ABL2: variants seen among roughly 807,000 people sequenced by gnomAD.
The protein encoded by ABL2 is ABL proto-oncogene 2, non-receptor tyrosine kinase.
In ABL2, 49 loss-of-function variants were observed where a neutral mutation model predicts 107.7. The observed-to-expected ratio is 0.45, with a 90% CI of 0.36 to 0.58. The LOEUF (loss-of-function observed/expected upper bound fraction) is 0.58. Among genes scored for constraint, ABL2 ranks in the 20% least tolerant of loss-of-function variants. The pLI is 0.00. For synonymous variants in ABL2, 549 were observed against 548.6 expected (o/e 1.00, Z -0.01); for missense variants, 1,245 against 1,457.0 (o/e 0.85, Z 2.37).
intron 1 of ABL2, among the ~76,000 whole-genome samples, chr1:179,223,664 G>A (rs1663007326): frequency 6.6e-6 from 1 of 151,758 alleles, no homozygotes; most frequent in Admixed American, 6.6e-5. Context: ...AGTTTAGTCT[G>A]CAGGATTGGC....
rs527455117 is a variant in ABL2, at chr1:179,110,746, T to G, written c.1652-291A>C. On this transcript the variant is annotated intron_variant, in intron 10 of 11. Coordinates refer to ENST00000502732, the MANE Select transcript of ABL2 (RefSeq NM_007314.4). ...CCTCTTGATGGATGTTTAGGTTGTTTCCAGTTTGGAGTTACTATGAATACG... is the reference window on the plus strand; with the variant it reads ...CCTCTTGATGGATGTTTAGGTTGTTGCCAGTTTGGAGTTACTATGAATACG... 19 of 1,613,728 alleles carry G rather than the reference T, an allele frequency of 1.2e-5. No homozygotes were observed. The African/African-American group carries it at 2.4e-4, about 20-fold the overall frequency.
chr1:179,146,119 A>AT (rs1326999374), intron 1 of ABL2, among the ~76,000 whole-genome samples: 1 of 152,104 alleles, frequency 6.6e-6, no homozygotes, highest in African/African-American at 2.4e-5. Context: ...GCTGATTTCC[A>AT]TTTTTTAAAA....
intron 1 of ABL2, among the ~76,000 whole-genome samples, chr1:179,176,659 T>C (rs948609850): frequency 9.3e-5 from 14 of 150,948 alleles, no homozygotes; most frequent in Non-Finnish European, 1.3e-4. Context: ...ATATGGCTTT[T>C]ATTAGCAGCA....
intron 1 of ABL2, chr1:179,220,899 G>A: frequency 5.9e-6 from 1 of 169,390 alleles, no homozygotes. Flanking sequence ...GGGGTCTCCT[G>A]CTGCTGCCAC....
Position 179,101,194 on chromosome 1 carries a change from A to AAG in ABL2, c.*6523_*6524insCT, listed in dbSNP as rs143003487. 303 of 227,376 alleles carry AAG rather than the reference A, an allele frequency of 1.3e-3. No homozygotes were observed. Among genetic ancestry groups the AAG allele is most frequent in the African/African-American group, 6.5e-3 (292 of 45,048 alleles). The allele number at this position is 227,376 out of a possible 1,614,324, so 14.1% of individuals were successfully genotyped here. A position where few individuals can be genotyped will look rare whatever the true frequency, so the allele number is the denominator to read the frequency against. On this transcript the variant is annotated 3_prime_UTR_variant, in exon 12 of 12. Transcript: ENST00000502732. The stretch of plus-strand genomic sequence containing the variant: ...CATGAAACCCATCTTTGAAGGCACA[A>AAG]ATCTCCAAGGGTGGCCTCTCAGCAG...
intron 1 of ABL2, among the ~76,000 whole-genome samples, chr1:179,186,226 C>CA (rs1660677189): frequency 6.6e-6 from 1 of 151,890 alleles, no homozygotes; most frequent in African/African-American, 2.4e-5. Flanking sequence ...GCCTGGGTGA[C>CA]AGAGGGAGAC....
At chr1:179,121,449 C>G in intron 5 of ABL2, 146 bp downstream of exon 5, 7 of 1,078,510 alleles carry the variant, frequency 6.5e-6, no homozygotes, top group Non-Finnish European at 9.4e-6. Flanking sequence ...AGCAATGGCA[C>G]TAGGGTTAAT....
intron 7 of ABL2, 62 bp from the exon 8 acceptor site, chr1:179,117,578 C>G (rs982813904): frequency 3.2e-6 from 5 of 1,563,294 alleles, no homozygotes; most frequent in Non-Finnish European, 4.4e-6. Flanking sequence ...GTCATGAACA[C>G]TCTATTCTTG....
intron 1 of ABL2, among the ~76,000 whole-genome samples, chr1:179,157,556 T>A (rs768765780): frequency 6.6e-6 from 1 of 151,718 alleles, no homozygotes; most frequent in African/African-American, 2.4e-5. Context: ...CTGAAAAACA[T>A]CCAAAATTCG....
Position 179,229,411 on chromosome 1 carries a change from T to A in ABL2, c.-14A>T. 6.7e-7 allele frequency: 1 copy of A among 1,495,884 alleles called. No homozygotes were observed. The highest frequency in any genetic ancestry group is 8.8e-7 in the Non-Finnish European group (1 of 1,133,108). The allele number at this position is 1,495,884 out of a possible 1,614,324, so 92.7% of individuals were successfully genotyped here. A position where few individuals can be genotyped will look rare whatever the true frequency, so the allele number is the denominator to read the frequency against. On this transcript the variant is annotated 5_prime_UTR_variant, in exon 1 of 12. Transcript: ENST00000502732. The stretch of plus-strand genomic sequence containing the variant: ...CTGCTGCCCCATCCCTGCTCTCGCG[T>A]ACTCCCGCGCCCCCGCCGACCCCTG...
At chr1:179,214,635 T>C (rs2124836852) in intron 1 of ABL2, among the ~76,000 whole-genome samples, 1 of 148,924 alleles carries the variant, frequency 6.7e-6, no homozygotes, top group South Asian at 2.1e-4. Flanking sequence ...AAAACATTGT[T>C]TGTTCCAAGC....
At chr1:179,110,911 C>T (rs1653998395) in intron 10 of ABL2, 12 of 1,596,542 alleles carry the variant, frequency 7.5e-6, no homozygotes, top group South Asian at 2.2e-5. Flanking sequence ...CCCCAAATAG[C>T]GATACTATTT....
rs1653250839 is a variant in ABL2 at position 179,103,272 on chromosome 1, T to C, written c.*4446A>G. On this transcript the variant is annotated 3_prime_UTR_variant, in exon 12 of 12. Coordinates refer to ENST00000502732, the MANE Select transcript of ABL2 (RefSeq NM_007314.4). ...CATACCTGTTAAGCAGTTTCATATTTCTAAATGTGATAAATGACAGAGGTG... is the reference window on the plus strand; with the variant it reads ...CATACCTGTTAAGCAGTTTCATATTCCTAAATGTGATAAATGACAGAGGTG... 4.8e-6 allele frequency: 1 copy of C among 208,364 alleles called. No homozygotes were observed. The highest frequency in any genetic ancestry group is 2.3e-5 in the African/African-American group (1 of 44,054). 12.9% of individuals were successfully genotyped at this position (208,364 alleles called of 1,614,324 possible).
chr1:179,128,640 GT>G (rs1655978296), intron 3 of ABL2, among the ~76,000 whole-genome samples: 1 of 152,142 alleles, frequency 6.6e-6, no homozygotes, highest in African/African-American at 2.4e-5. Context: ...GGGATGACTA[GT>G]ATGGATTCAA....
chr1:179,181,501 T>C (rs1292138423), intron 1 of ABL2, among the ~76,000 whole-genome samples: 2 of 152,198 alleles, frequency 1.3e-5, no homozygotes, highest in Admixed American at 1.3e-4. Context: ...CCAACCTCGC[T>C]GAGCTTCAGT....
intron 2 of ABL2, among the ~76,000 whole-genome samples, chr1:179,132,411 T>C (rs759334052): frequency 6.6e-5 from 10 of 152,220 alleles, no homozygotes; most frequent in Non-Finnish European, 1.3e-4. Context: ...TTTTCCAGTA[T>C]CAATTTTCTT....
intron 9 of ABL2, among the ~76,000 whole-genome samples, chr1:179,112,915 C>T (rs1233341626): frequency 2.0e-5 from 3 of 152,200 alleles, no homozygotes; most frequent in East Asian, 3.9e-4. Context: ...CCACCACGTC[C>T]GGCTAATTTT....
chr1:179,218,477 G>A (rs572931592), intron 1 of ABL2, among the ~76,000 whole-genome samples: 1 of 152,102 alleles, frequency 6.6e-6, no homozygotes, highest in East Asian at 1.9e-4. Context: ...GCTCACTGCA[G>A]CCTCTGCCTC....
At chr1:179,139,355 A>C (rs1657356824) in intron 1 of ABL2, among the ~76,000 whole-genome samples, 1 of 152,024 alleles carries the variant, frequency 6.6e-6, no homozygotes, top group Non-Finnish European at 1.5e-5. Context: ...TTCACTCCTG[A>C]GCCAGCGAGA....
Sources: allele counts gnomAD v4.1 joint callset (sites outside exome capture counted in the v4.1 genomes callset), GRCh38; gene constraint gnomAD v4.1.1; transcripts MANE v1.5; gene names NCBI Gene and HGNC (gene_info 2026-07-23, HGNC 2026-07-21).